The following TUBD1 variants were observed in gnomAD, a reference collection of about 807,000 sequenced individuals.
TUBD1 encodes tubulin delta chain.
In TUBD1, 38 loss-of-function variants were observed where a neutral mutation model predicts 51.2. The observed-to-expected ratio is 0.74, with a 90% CI of 0.57 to 0.97. TUBD1 has a LOEUF of 0.97. Among genes scored for constraint, TUBD1 ranks in the 50% least tolerant of loss-of-function variants. The pLI is 0.00. For missense variants in TUBD1, 489 were observed against 538.4 expected, an observed-to-expected ratio of 0.91 and a Z score of 0.91; for synonymous variants, 169 against 178.2, an observed-to-expected ratio of 0.95 and a Z score of 0.41.
intron 5 of TUBD1, among the ~76,000 whole-genome samples, chr17:59,876,352 T>G (rs2040223717): frequency 6.7e-6 from 1 of 149,882 alleles, no homozygotes. Context: ...CTGTTTGTTT[T>G]TTTTTTGTTT....
intron 2 of TUBD1, among the ~76,000 whole-genome samples, chr17:59,889,330 C>T (rs929131657): frequency 3.3e-5 from 5 of 150,120 alleles, no homozygotes; most frequent in East Asian, 2.0e-4. Flanking sequence ...AGTTTTTATA[C>T]GTTACTGTTA....
chr17:59,889,004 G>A (rs959480510), intron 2 of TUBD1, among the ~76,000 whole-genome samples: 3 of 134,548 alleles, frequency 2.2e-5, no homozygotes, highest in African/African-American at 8.6e-5. Context: ...GAGCCACCAT[G>A]CCTGGCTTTT....
At chr17:59,866,855 C>T in intron 6 of TUBD1, 106 bp from the exon 7 acceptor site, 1 of 856,708 alleles carries the variant, frequency 1.2e-6, no homozygotes, top group Non-Finnish European at 1.7e-6. Context: ...ATGATCTTGG[C>T]TCACTGCAAC....
chr17:59,878,058 A>T (rs540485594), intron 5 of TUBD1, 45 bp downstream of exon 5: 2 of 1,492,828 alleles, frequency 1.3e-6, no homozygotes, highest in Admixed American at 3.5e-5. Context: ...TGAAGCTTTC[A>T]GAACATAAGG....
chr17:59,873,938 C>T (rs2040110489), intron 6 of TUBD1, among the ~76,000 whole-genome samples: 1 of 151,496 alleles, frequency 6.6e-6, no homozygotes, highest in Non-Finnish European at 1.5e-5. Flanking sequence ...TCTTGTAATC[C>T]CAGCACTTTG....
At chr17:59,865,016 T>C (rs779369776) in intron 7 of TUBD1, among the ~76,000 whole-genome samples, 6 of 151,622 alleles carry the variant, frequency 4.0e-5, no homozygotes, top group Non-Finnish European at 8.8e-5. Flanking sequence ...ACCACTATAC[T>C]TGGCTAAAGT....
intron 7 of TUBD1, among the ~76,000 whole-genome samples, chr17:59,864,134 C>T (rs2039590947): frequency 6.6e-6 from 1 of 151,756 alleles, no homozygotes; most frequent in South Asian, 2.1e-4. Context: ...TAACACTTTT[C>T]TGAAAGGTGT....
chr17:59,868,353 T>C (rs533336404), intron 6 of TUBD1, among the ~76,000 whole-genome samples: 2 of 148,706 alleles, frequency 1.3e-5, no homozygotes, highest in South Asian at 4.2e-4. Context: ...TTCTCCCTAA[T>C]GGTAGAACAT....
At chr17:59,880,833 C>G (rs1350890968) in intron 4 of TUBD1, 61 bp downstream of exon 4, 2 of 1,497,008 alleles carry the variant, frequency 1.3e-6, no homozygotes, top group East Asian at 4.5e-5. Flanking sequence ...AATCTTTTAC[C>G]CATATTTATT....
At chr17:59,866,795 G>GT (rs1032794723) in intron 6 of TUBD1, 46 bp from the exon 7 acceptor site, 2 of 1,519,682 alleles carry the variant, frequency 1.3e-6, no homozygotes, top group Non-Finnish European at 1.8e-6. Context: ...TATTTACTTA[G>GT]TTTTTTGAGA....
intron 2 of TUBD1, 192 bp from the exon 3 acceptor site, chr17:59,886,422 A>C (rs188832720): frequency 4.2e-4 from 238 of 571,150 alleles, no homozygotes; most frequent in Non-Finnish European, 5.3e-4. Flanking sequence ...ATGTTCACCA[A>C]GCCCAGCATT....
chr17:59,885,345 G>T, intron 3 of TUBD1: 1 of 694,246 alleles, frequency 1.4e-6, no homozygotes, highest in East Asian at 2.8e-5. Flanking sequence ...TGTATACCAG[G>T]AATATGTCCC....
chr17:59,874,503 A>G, intron 6 of TUBD1, 36 bp downstream of exon 6: 1 of 1,591,530 alleles, frequency 6.3e-7, no homozygotes, highest in Non-Finnish European at 8.5e-7. Context: ...CATTTTTTCC[A>G]GCTTGTGGGC....
At position 59,874,712 on chromosome 17, in the gene TUBD1, A is replaced by T. The variant is rs74702143; in HGVS notation, c.770-9T>A. Reference sequence around the variant, plus strand: ...ATGCTCCATTAAGTCTCCTGTAAAGAAAAAAAAATCTGAACTAATTTTTTT... The same window carrying T: ...ATGCTCCATTAAGTCTCCTGTAAAGTAAAAAAAATCTGAACTAATTTTTTT... On this transcript the variant is annotated splice_polypyrimidine_tract_variant and intron_variant, in intron 5 of 8. Transcript: ENST00000325752. The T allele has an allele frequency of 4.3e-5, 68 of 1,587,268 alleles. No homozygotes were observed. Among genetic ancestry groups the T allele is most frequent in the Non-Finnish European group, 5.2e-5 (61 of 1,169,576 alleles).
chr17:59,862,865 C>T (rs1005507171), intron 8 of TUBD1, among the ~76,000 whole-genome samples: 1 of 151,756 alleles, frequency 6.6e-6, no homozygotes, highest in African/African-American at 2.4e-5. Context: ...GCTGGGACTA[C>T]AGGCGCCCGC....
Position 59,866,764 on chromosome 17 carries a change from A to G in TUBD1, c.935-15T>C, listed in dbSNP as rs2039721996. ...CCTATCAATACCTACCAAAAGAAAA[A>G]AAAAGCAAGAGGTTTTATTTTATTT... On this transcript the variant is annotated splice_polypyrimidine_tract_variant and intron_variant, in intron 6 of 8. Coordinates refer to ENST00000325752, the MANE Select transcript of TUBD1 (RefSeq NM_016261.4). 1.3e-6 allele frequency: 2 copies of G among 1,580,088 alleles called. No homozygotes were observed. Among genetic ancestry groups the G allele is most frequent in the Non-Finnish European group, 1.7e-6 (2 of 1,169,332 alleles).
chr17:59,866,976 G>A (rs2039735906), intron 6 of TUBD1, among the ~76,000 whole-genome samples: 1 of 152,048 alleles, frequency 6.6e-6, no homozygotes, highest in South Asian at 2.1e-4. Flanking sequence ...TGTATTTTTA[G>A]TAGAGACGGG....
At chr17:59,891,909 G>A (rs1425473555) in intron 1 of TUBD1, 1 of 151,642 alleles carries the variant, frequency 6.6e-6, no homozygotes, top group Admixed American at 6.6e-5. Flanking sequence ...AGGCTGCAGT[G>A]AGCCAAGATC....
At chr17:59,874,514 T>G in intron 6 of TUBD1, 25 bp downstream of exon 6, 2 of 1,603,928 alleles carry the variant, frequency 1.2e-6, no homozygotes, top group Non-Finnish European at 1.7e-6. Flanking sequence ...GCTTGTGGGC[T>G]GCATATTTTT....
Sources: gnomAD v4.1 joint callset for allele counts (sites outside exome capture counted in the v4.1 genomes callset) on GRCh38, gnomAD v4.1.1 for gene constraint, MANE v1.5 for transcripts, NCBI Gene and HGNC (gene_info 2026-07-23, HGNC 2026-07-21) for gene names.